ARMC2: variants seen among roughly 807,000 people sequenced by gnomAD.
ARMC2 encodes the protein armadillo repeat containing 2.
Under a neutral mutation model 90.3 loss-of-function variants are expected in ARMC2, and 67 were observed. The ratio of observed to expected loss-of-function variants is 0.74; its 90% CI spans 0.61 to 0.91. The LOEUF (loss-of-function observed/expected upper bound fraction) is 0.91, where lower values mean the gene tolerates loss of function less well. ARMC2 is among the 40% of genes least tolerant of loss of function. ARMC2 has a pLI of 0.00. For synonymous variants in ARMC2, 393 were observed against 393.0 expected (o/e 1.00, Z 0.00); for missense variants, 920 against 1,030.9 (o/e 0.89, Z 1.47).
intron 10 of ARMC2, among the ~76,000 whole-genome samples, chr6:108,920,969 C>G (rs1439983627): frequency 2.0e-5 from 3 of 152,106 alleles, no homozygotes; most frequent in Non-Finnish European, 4.4e-5. Context: ...AATGAGGCTC[C>G]TACTGTGTCT....
intron 12 of ARMC2, 118 bp from the exon 13 acceptor site, chr6:108,952,915 G>T: frequency 9.9e-7 from 1 of 1,013,112 alleles, no homozygotes; most frequent in Non-Finnish European, 1.4e-6. Flanking sequence ...GTGAGCCGAA[G>T]CCAGACGTGT....
the ARMC2 span, among the ~76,000 whole-genome samples, chr6:109,027,211 G>T: frequency 6.6e-6 from 1 of 151,692 alleles, no homozygotes; most frequent in African/African-American, 2.4e-5. Context: ...GGTGGCTCAC[G>T]CCTGTAATCC....
intron 2 of ARMC2, among the ~76,000 whole-genome samples, chr6:108,856,241 G>A (rs1032173176): frequency 6.6e-6 from 1 of 151,278 alleles, no homozygotes; most frequent in African/African-American, 2.4e-5. Context: ...AGGGTGTTAG[G>A]TTTGTTTTTT....
Position 108,878,501 on chromosome 6 carries a change from G to A in ARMC2, c.671+2151G>A, listed in dbSNP as rs139181071. Among the ~76,000 whole-genome samples the A allele has an allele frequency of 5.2e-3, 792 of 152,254 alleles. 3 individuals are homozygous for A. Among genetic ancestry groups the A allele is most frequent in the Non-Finnish European group, 8.8e-3 (598 of 68,014 alleles). ...TGGCTGGGAGAGGAAGGAGCATTTT[G>A]TTTCCATGAAACTGCAATAATTGTA... On this transcript the variant is annotated intron_variant, in intron 5 of 17. Coordinates refer to ENST00000392644, the MANE Select transcript of ARMC2 (RefSeq NM_032131.6).
chr6:108,854,474 T>C lies in ARMC2; in HGVS notation c.207T>C (p.Pro69=), dbSNP rs1371828140. 9.9e-6 allele frequency: 16 copies of C among 1,613,462 alleles called. No individual in the cohort carries two copies. Among genetic ancestry groups the C allele is most frequent in the Admixed American group, 1.7e-5 (1 of 60,000 alleles). ...ASSRTSENRP[P]SSFSLHASSF... ...CAAGAACATCAGAAAATAGACCTCC[T>C]TCCTCCTTCAGGTATATGGCATTTC... The change falls in exon 2 of 18, where the codon CCT becomes CCC. Residue 69 remains proline, a synonymous_variant. Coordinates refer to ENST00000392644, the MANE Select transcript of ARMC2 (RefSeq NM_032131.6).
At chr6:109,001,563 A>G in the ARMC2 span, 6 of 1,236,690 alleles carry the variant, frequency 4.9e-6, no homozygotes, top group African/African-American at 3.0e-5. Context: ...CATGCGCTAC[A>G]CTCTAAGTAT....
At chr6:109,041,847 A>G in the ARMC2 span, among the ~76,000 whole-genome samples, 1 of 152,196 alleles carries the variant, frequency 6.6e-6, no homozygotes, top group Non-Finnish European at 1.5e-5. Context: ...ATAAACCAAC[A>G]GGATGTAATC....
Position 108,964,979 on chromosome 6 carries a change from G to T in ARMC2, c.2286-1G>T, listed in dbSNP as rs1778260479. ...TCTCAATTTGAATTTTATTAACTCAGGTTAGTGGACTGTTTAAGAGATTTG... is the reference window on the plus strand; with the variant it reads ...TCTCAATTTGAATTTTATTAACTCATGTTAGTGGACTGTTTAAGAGATTTG... On this transcript the variant is annotated splice_acceptor_variant, in intron 16 of 17. Transcript: ENST00000392644. LOFTEE classifies it high-confidence loss of function. The T allele has an allele frequency of 6.2e-7, 1 of 1,600,318 alleles. No homozygotes were observed. Among genetic ancestry groups the T allele is most frequent in the South Asian group, 1.1e-5 (1 of 90,694 alleles).
intron 8 of ARMC2, among the ~76,000 whole-genome samples, chr6:108,909,286 T>A (rs1410301163): frequency 6.6e-6 from 1 of 151,756 alleles, no homozygotes; most frequent in Admixed American, 6.6e-5. Flanking sequence ...CAGTTATGCT[T>A]TTTTGTGACT....
Position 108,885,979 on chromosome 6 carries a change from A to C in ARMC2, c.672-8488A>C, listed in dbSNP as rs74667267. Among the ~76,000 whole-genome samples the C allele has an allele frequency of 7.8e-3, 1,189 of 152,336 alleles. 15 individuals are homozygous for C. The highest frequency in any genetic ancestry group is 0.028 in the African/African-American group (1,162 of 41,586). On this transcript the variant is annotated intron_variant, in intron 5 of 17. Coordinates refer to ENST00000392644, the MANE Select transcript of ARMC2 (RefSeq NM_032131.6). ...ACACTGCAGCAAGAATTGAGTACTTATGACAGAAACTGTGTGGCCACAAAG... is the reference window on the plus strand; with the variant it reads ...ACACTGCAGCAAGAATTGAGTACTTCTGACAGAAACTGTGTGGCCACAAAG...
the ARMC2 span, among the ~76,000 whole-genome samples, chr6:109,043,854 T>C: frequency 6.6e-6 from 1 of 152,148 alleles, no homozygotes. Context: ...AAATTTTATA[T>C]GGAAAGGCAA....
At chr6:108,889,308 G>A (rs990601856) in intron 5 of ARMC2, among the ~76,000 whole-genome samples, 7 of 149,738 alleles carry the variant, frequency 4.7e-5, no homozygotes, top group African/African-American at 1.8e-4. Context: ...ACCATGCCTG[G>A]CTAATTTTTG....
At chr6:108,916,329 A>G (rs145785399) in intron 10 of ARMC2, among the ~76,000 whole-genome samples, 125 of 152,300 alleles carry the variant, frequency 8.2e-4, no homozygotes, top group African/African-American at 2.6e-3. Context: ...TAGTATTCCA[A>G]TGCTTATTCT....
chr6:108,873,469 G>A (rs1015182857), intron 4 of ARMC2, among the ~76,000 whole-genome samples: 8 of 152,092 alleles, frequency 5.3e-5, no homozygotes, highest in Non-Finnish European at 7.4e-5. Flanking sequence ...TGGGTGCACC[G>A]GCAGGGTGGA....
At chr6:108,915,165 A>G (rs1215602699) in intron 10 of ARMC2, among the ~76,000 whole-genome samples, 1 of 152,078 alleles carries the variant, frequency 6.6e-6, no homozygotes, top group Non-Finnish European at 1.5e-5. Flanking sequence ...CATGTTGGCC[A>G]TGCTAGTCTC....
At chr6:108,907,813 C>T (rs1335713216) in intron 8 of ARMC2, 2 of 1,608,324 alleles carry the variant, frequency 1.2e-6, no homozygotes, top group East Asian at 4.5e-5. Flanking sequence ...TCCAGCTTGG[C>T]AGCTCCCCCA....
At chr6:108,886,220 A>C (rs979848257) in intron 5 of ARMC2, among the ~76,000 whole-genome samples, 2 of 152,158 alleles carry the variant, frequency 1.3e-5, no homozygotes, top group Non-Finnish European at 2.9e-5. Context: ...TGTTTAATCT[A>C]CTTCTTAATA....
chr6:108,920,940 AAGAC>A (rs1774499569), intron 10 of ARMC2, among the ~76,000 whole-genome samples: 1 of 152,144 alleles, frequency 6.6e-6, no homozygotes, highest in African/African-American at 2.4e-5. Flanking sequence ...GTTATGCTAA[AAGAC>A]AGATCAAGGG....
the ARMC2 span, among the ~76,000 whole-genome samples, chr6:109,037,809 C>T: frequency 6.6e-6 from 1 of 151,740 alleles, no homozygotes; most frequent in Non-Finnish European, 1.5e-5. Flanking sequence ...GGCATAGAAA[C>T]TTGTCACCCA....
Sources: allele counts gnomAD v4.1 joint callset (sites outside exome capture counted in the v4.1 genomes callset), GRCh38; gene constraint gnomAD v4.1.1; transcripts MANE v1.5; gene names NCBI Gene and HGNC (gene_info 2026-07-23, HGNC 2026-07-21).